The following SACS variants were observed in gnomAD, a reference collection of about 807,000 sequenced individuals.
SACS encodes the protein sacsin molecular chaperone, also known as sacsin.
Under a neutral mutation model 348.0 loss-of-function variants are expected in SACS, and 197 were observed. The ratio of observed to expected loss-of-function variants is 0.57; its 90% CI spans 0.50 to 0.64. SACS has a LOEUF of 0.64. Ranked by LOEUF, SACS falls within the 30% of genes least tolerant of loss-of-function variation. SACS has a pLI of 0.00. For missense variants in SACS, 4,999 were observed against 5,360.8 expected, an observed-to-expected ratio of 0.93 and a Z score of 2.11; for synonymous variants, 1,985 against 1,910.6, an observed-to-expected ratio of 1.04 and a Z score of -1.02.
chr13:23,334,018 A>G lies in SACS; in HGVS notation c.9858T>C (p.Phe3286=). The change falls in exon 10 of 10, where the codon TTT becomes TTC. Residue 3286 remains phenylalanine, a synonymous_variant. Transcript: ENST00000382292. The part of the protein sequence containing the change: ...KDWALLPGTK[F]TVSANQLVVP... Reference sequence around the variant, plus strand: ...CCACAAGCTGGTTGGCTGAAACAGTAAACTTTGTTCCTGGAAGCAATGCCC... The same window carrying G: ...CCACAAGCTGGTTGGCTGAAACAGTGAACTTTGTTCCTGGAAGCAATGCCC... 6.2e-7 allele frequency: 1 copy of G among 1,613,898 alleles called. No homozygotes were observed. The highest frequency in any genetic ancestry group is 1.3e-5 in the African/African-American group (1 of 75,042).
chr13:23,346,185 G>A (rs377622251), intron 9 of SACS, among the ~76,000 whole-genome samples: 12 of 152,224 alleles, frequency 7.9e-5, no homozygotes, highest in South Asian at 6.2e-4. Context: ...CCGCTCTGTC[G>A]CCCAGGCTGG....
chr13:23,428,151 G>A (rs1874269091), intron 1 of SACS: 1 of 152,164 alleles, frequency 6.6e-6, no homozygotes, highest in African/African-American at 2.4e-5. Context: ...TTCATCTGAA[G>A]ATGGGAATGA....
chr13:23,368,865 A>T (rs936031251), intron 4 of SACS, among the ~76,000 whole-genome samples: 2 of 151,754 alleles, frequency 1.3e-5, no homozygotes, highest in Non-Finnish European at 2.9e-5. Flanking sequence ...TGCCCAGCTA[A>T]TTTTTTTGTA....
In SACS at chr13:23,337,118, A is replaced by C. The variant is rs766157836; in HGVS notation, c.6758T>G (p.Ile2253Arg). 1.9e-6 allele frequency: 3 copies of C among 1,613,992 alleles called. No individual in the cohort carries two copies. The highest frequency in any genetic ancestry group is 1.6e-4 in the Middle Eastern group (1 of 6,062). ...TDLYTAEHQD[I>R]VCLLQPILNE... ...TAGAATTGGTTGCAAAAGACAAACT[A>C]TATCTTGATGTTCAGCTGTATAAAG... Residue 2253 changes from isoleucine to arginine, a missense_variant, in exon 10 of 10, where the codon ATA (isoleucine) becomes AGA (arginine). This residue lies in a region of SACS where 3,156 missense variants were observed against 3,380.1 expected (regional missense o/e 0.93). Coordinates refer to ENST00000382292, the MANE Select transcript of SACS (RefSeq NM_014363.6).
At chr13:23,351,681 A>G (rs961206190) in intron 9 of SACS, among the ~76,000 whole-genome samples, 2 of 152,214 alleles carry the variant, frequency 1.3e-5, no homozygotes, top group African/African-American at 2.4e-5. Flanking sequence ...ACAGACTAAT[A>G]CAGCTAGTTA....
chr13:23,375,823 A>G (rs1272358052), intron 2 of SACS, among the ~76,000 whole-genome samples: 2 of 149,232 alleles, frequency 1.3e-5, no homozygotes, highest in African/African-American at 4.9e-5. Context: ...AGGCAAACCC[A>G]ATAAGGGTAT....
chr13:23,432,468 G>C (rs1311814497), intron 1 of SACS, among the ~76,000 whole-genome samples: 1 of 152,148 alleles, frequency 6.6e-6, no homozygotes, highest in African/African-American at 2.4e-5. Context: ...AAAGGAAACT[G>C]GGGATCGTTG....
chr13:23,402,176 T>TC (rs1402055642), intron 2 of SACS, among the ~76,000 whole-genome samples: 1 of 134,674 alleles, frequency 7.4e-6, no homozygotes, highest in Non-Finnish European at 1.6e-5. Context: ...AGACTCCATC[T>TC]CGAAAAAAAA....
intron 6 of SACS, among the ~76,000 whole-genome samples, chr13:23,363,735 T>G (rs1418400146): frequency 6.6e-6 from 1 of 152,204 alleles, no homozygotes; most frequent in East Asian, 1.9e-4. Context: ...TAAAACATTA[T>G]CACATATATT....
intron 1 of SACS, among the ~76,000 whole-genome samples, chr13:23,414,413 G>A (rs1177182938): frequency 6.8e-6 from 1 of 148,062 alleles, no homozygotes; most frequent in Non-Finnish European, 1.5e-5. Flanking sequence ...TACACTGGAA[G>A]CAGGACCTCC....
In SACS at chr13:23,336,874, C is replaced by T; in HGVS notation, c.7002G>A (p.Lys2334=). The part of the protein sequence containing the change: ...HEALMQNEIT[K]MSIIDKLKPF... ...GTTTTAACTTATCAATAATTGACAT[C>T]TTAGTGATTTCATTTTGCATCAAGG... Residue 2334 remains lysine, a synonymous_variant, in exon 10 of 10, where the codon AAG becomes AAA. Transcript: ENST00000382292. 6.2e-7 allele frequency: 1 copy of T among 1,613,408 alleles called. No homozygotes were observed. Among genetic ancestry groups the T allele is most frequent in the Non-Finnish European group, 8.5e-7 (1 of 1,179,534 alleles).
chr13:23,363,366 T>C (rs1870860353), intron 6 of SACS, among the ~76,000 whole-genome samples: 1 of 152,022 alleles, frequency 6.6e-6, no homozygotes, highest in African/African-American at 2.4e-5. Flanking sequence ...TAGCTGTGAT[T>C]ACAGGTGCCC....
In SACS at chr13:23,329,330, T is replaced by C. The variant is rs1593117974; in HGVS notation, c.*806A>G. The C allele has an allele frequency of 7.7e-6, 5 of 652,346 alleles. No homozygotes were observed. The highest frequency in any genetic ancestry group is 1.4e-5 in the Non-Finnish European group (5 of 364,926). The allele number at this position is 652,346 out of a possible 1,614,324, so 40.4% of individuals were successfully genotyped here. A position where few individuals can be genotyped will look rare whatever the true frequency, so the allele number is the denominator to read the frequency against. On this transcript the variant is annotated 3_prime_UTR_variant, in exon 10 of 10. Transcript: ENST00000382292. The stretch of plus-strand genomic sequence containing the variant: ...AACCACACTATATAAATTATAACAT[T>C]TGTGGAAAATATGTACACACAAACA...
At position 23,334,323 on chromosome 13, in the gene SACS, T is replaced by C; in HGVS notation, c.9553A>G (p.Lys3185Glu). 1 of 1,610,792 alleles carries C rather than the reference T, an allele frequency of 6.2e-7. No individual in the cohort carries two copies. Among genetic ancestry groups the C allele is most frequent in the Non-Finnish European group, 8.5e-7 (1 of 1,178,244 alleles). ...TATAATGTATTCATAAACAAGTCTTTGCGGGATGGAATCAATTCATGATAT... is the reference window on the plus strand; with the variant it reads ...TATAATGTATTCATAAACAAGTCTTCGCGGGATGGAATCAATTCATGATAT... ...TTYHELIPSRKDLFMNTLYLK... is the reference protein window; with the variant it reads ...TTYHELIPSREDLFMNTLYLK... Residue 3185 changes from lysine to glutamate, a missense_variant, in exon 10 of 10, where the codon AAA becomes GAA. Coordinates refer to ENST00000382292, the MANE Select transcript of SACS (RefSeq NM_014363.6).
intron 2 of SACS, among the ~76,000 whole-genome samples, chr13:23,385,731 T>C (rs1872265643): frequency 1.3e-5 from 2 of 152,192 alleles, no homozygotes; most frequent in South Asian, 4.1e-4. Context: ...TTTGCCCAGA[T>C]CCGTCAGAGG....
chr13:23,335,139 A>T lies in SACS; in HGVS notation c.8737T>A (p.Leu2913Ile). Residue 2913 changes from leucine (L) to isoleucine (I), a missense_variant, in exon 10 of 10, where the codon TTA (leucine) becomes ATA (isoleucine). Physicochemically the swap from Leu to Ile is conservative, Grantham distance 5. Coordinates refer to ENST00000382292, the MANE Select transcript of SACS (RefSeq NM_014363.6). This position sits in a 1 kb window ranked among gnomAD's most constrained non-coding sequence, Gnocchi z 4.7. ...GCAGGAGCTATTAATGCTGTCATTAAACTGTTATTCCAGTCACTTCGAACA... is the reference window on the plus strand; with the variant it reads ...GCAGGAGCTATTAATGCTGTCATTATACTGTTATTCCAGTCACTTCGAACA... ...VGVRSDWNNSLMTALIAPAYV... is the reference protein window; with the variant it reads ...VGVRSDWNNSIMTALIAPAYV... 6.2e-7 allele frequency: 1 copy of T among 1,613,928 alleles called. No homozygotes were observed. The highest frequency in any genetic ancestry group is 8.5e-7 in the Non-Finnish European group (1 of 1,179,882).
At chr13:23,405,691 C>T (rs112477830) in intron 2 of SACS, among the ~76,000 whole-genome samples, 1,640 of 151,432 alleles carry the variant, frequency 0.011, 24 homozygotes, top group African/African-American at 0.038. Context: ...TTAAACAAAT[C>T]TACAAGGAAA....
intron 9 of SACS, among the ~76,000 whole-genome samples, chr13:23,345,183 A>G (rs1335844171): frequency 6.6e-6 from 1 of 152,216 alleles, no homozygotes; most frequent in Admixed American, 6.5e-5. Context: ...GATGAGTTCT[A>G]ACAATGCCCT....
intron 6 of SACS, among the ~76,000 whole-genome samples, chr13:23,360,364 G>A (rs1208699312): frequency 6.9e-6 from 1 of 144,014 alleles, no homozygotes; most frequent in Non-Finnish European, 1.5e-5. Context: ...GGTTCCAAAT[G>A]TCCATTAAAA....
Sources: gnomAD v4.1 joint callset for allele counts (sites outside exome capture counted in the v4.1 genomes callset) on GRCh38, gnomAD v4.1.1 for gene constraint, gnomAD v4.1.1 regional missense constraint, Gnocchi (gnomAD v3.1) non-coding constraint, MANE v1.5 for transcripts, NCBI Gene and HGNC (gene_info 2026-07-23, HGNC 2026-07-21) for gene names.